CDH10: variants seen among roughly 807,000 people sequenced by gnomAD.
The protein encoded by CDH10 is cadherin 10.
CDH10 carries 30 observed loss-of-function variants against 73.1 expected under a neutral mutation model. The observed-to-expected ratio is 0.41, with a 90% CI of 0.31 to 0.56. The LOEUF (loss-of-function observed/expected upper bound fraction) is 0.56. CDH10 is among the 20% of genes least tolerant of loss of function. The pLI, the probability that CDH10 is intolerant of heterozygous loss-of-function variation, is 0.27. For synonymous variants in CDH10, 345 were observed against 348.2 expected (o/e 0.99, Z 0.10); for missense variants, 815 against 973.7 (o/e 0.84, Z 2.17).
At chr5:24,524,408 G>C (rs886892117) in intron 5 of CDH10, among the ~76,000 whole-genome samples, 2 of 152,028 alleles carry the variant, frequency 1.3e-5, no homozygotes, top group Non-Finnish European at 2.9e-5. Flanking sequence ...TAGAAAGCAG[G>C]CATAGATTGT....
chr5:24,521,453 C>G (rs948049437), intron 5 of CDH10, among the ~76,000 whole-genome samples: 1 of 151,834 alleles, frequency 6.6e-6, no homozygotes, highest in Admixed American at 6.6e-5. Context: ...AACCTCCTTA[C>G]AAAATTAGGT....
At chr5:24,594,774 T>C (rs1419917560) in intron 1 of CDH10, among the ~76,000 whole-genome samples, 1 of 152,012 alleles carries the variant, frequency 6.6e-6, no homozygotes, top group African/African-American at 2.4e-5. Flanking sequence ...TATATTCCAG[T>C]ATACTCCATG....
At chr5:24,533,017 C>T (rs753781507) in intron 5 of CDH10, among the ~76,000 whole-genome samples, 5 of 151,714 alleles carry the variant, frequency 3.3e-5, no homozygotes, top group Non-Finnish European at 7.4e-5. Context: ...ATGTGTGTTC[C>T]CAAAGGTCAG....
chr5:24,521,802 T>G (rs1011719614), intron 5 of CDH10, among the ~76,000 whole-genome samples: 3 of 151,726 alleles, frequency 2.0e-5, no homozygotes, highest in Non-Finnish European at 4.4e-5. Context: ...AGAAAATAAG[T>G]GAGCTGGAGG....
At chr5:24,625,748 A>G (rs1031175233) in intron 1 of CDH10, among the ~76,000 whole-genome samples, 1 of 151,566 alleles carries the variant, frequency 6.6e-6, no homozygotes, top group Non-Finnish European at 1.5e-5. Flanking sequence ...ACATGGCATC[A>G]TTTTGAAGCA....
rs2111603784 is a variant in CDH10 at position 24,487,858 on chromosome 5, G to T, written c.2172C>A (p.Asp724Glu). Residue 724 changes from aspartate (D) to glutamate (E), a missense_variant, in exon 12 of 12, where the codon GAC (aspartate) becomes GAA (glutamate). Around this residue, in one of 3 missense-constraint regions of CDH10, gnomAD observed 241 missense variants for 240.3 expected, o/e 1.00. Transcript: ENST00000264463. ...GTGAGTCGTAGGGGGGTGCGGTGGG[G>T]TCAAGATCATGCTCTTTTAGCCTTT... Reference protein sequence around the residue: ...INERLKEHDLDPTAPPYDSLA... With the variant: ...INERLKEHDLEPTAPPYDSLA... The T allele has an allele frequency of 6.2e-7, 1 of 1,613,882 alleles. No homozygotes were observed. Among genetic ancestry groups the T allele is most frequent in the Non-Finnish European group, 8.5e-7 (1 of 1,179,932 alleles).
At chr5:24,627,690 A>T (rs1435026649) in intron 1 of CDH10, among the ~76,000 whole-genome samples, 1 of 152,146 alleles carries the variant, frequency 6.6e-6, no homozygotes, top group Non-Finnish European at 1.5e-5. Flanking sequence ...ACTAGAGGCA[A>T]ATCACTCTGT....
intron 5 of CDH10, among the ~76,000 whole-genome samples, chr5:24,522,848 C>A (rs191855864): frequency 3.0e-4 from 45 of 152,150 alleles, no homozygotes; most frequent in Non-Finnish European, 6.0e-4. Context: ...GCACATGAGA[C>A]CTAAATTTTA....
chr5:24,537,649 T>C lies in CDH10; in HGVS notation c.257A>G (p.Asp86Gly), dbSNP rs2111897294. Residue 86 changes from aspartate to glycine, a missense_variant, in exon 3 of 12, where the codon GAT becomes GGT. Asp to Gly is a moderately conservative substitution (Grantham distance 94, BLOSUM62 -1). Around this residue, in one of 3 missense-constraint regions of CDH10, gnomAD observed 516 missense variants for 636.6 expected, o/e 0.81. Coordinates refer to ENST00000264463, the MANE Select transcript of CDH10 (RefSeq NM_006727.5). The part of the protein sequence containing the change: ...GKLHSDQDKG[D>G]GSLKYILSGD... ...AGATAAGATATATTTGAGTGATCCA[T>C]CTCCTTTATCTTGGTCTGAATGTAG... The C allele has an allele frequency of 1.9e-6, 3 of 1,598,730 alleles. No individual in the cohort carries two copies. The highest frequency in any genetic ancestry group is 2.6e-6 in the Non-Finnish European group (3 of 1,167,630).
At chr5:24,513,755 A>G (rs1345245247) in intron 5 of CDH10, among the ~76,000 whole-genome samples, 1 of 152,056 alleles carries the variant, frequency 6.6e-6, no homozygotes, top group African/African-American at 2.4e-5. Flanking sequence ...TTACTTTGCT[A>G]CCATCTTATT....
intron 1 of CDH10, among the ~76,000 whole-genome samples, chr5:24,622,756 A>T (rs1012558516): frequency 3.9e-5 from 6 of 152,180 alleles, no homozygotes; most frequent in African/African-American, 7.2e-5. Context: ...ATGTATTTTA[A>T]TCACAAAGAA....
At position 24,534,703 on chromosome 5, in the gene CDH10, C is replaced by G. The variant is rs139260442; in HGVS notation, c.814+409G>C. ...TAATTTGTCAAATTAGATTTTTTGT[C>G]GAAAAAAATTGTCCTCAATTTAGGT... On this transcript the variant is annotated intron_variant, in intron 5 of 11. Transcript: ENST00000264463. Among the ~76,000 whole-genome samples the G allele has an allele frequency of 9.2e-3, 1,404 of 151,860 alleles. 23 individuals are homozygous for G. Among genetic ancestry groups the G allele is most frequent in the African/African-American group, 0.03 (1,259 of 41,460 alleles).
chr5:24,593,854 G>C (rs757894288), intron 1 of CDH10, among the ~76,000 whole-genome samples: 1 of 151,552 alleles, frequency 6.6e-6, no homozygotes, highest in Non-Finnish European at 1.5e-5. Flanking sequence ...ACATTATTAG[G>C]CTTTTTTTTC....
chr5:24,520,550 A>C (rs114344420), intron 5 of CDH10, among the ~76,000 whole-genome samples: 3,305 of 152,314 alleles, frequency 0.022, 102 homozygotes, highest in African/African-American at 0.069. Flanking sequence ...AGATACTATC[A>C]CACGGTAATT....
chr5:24,504,175 A>AGG (rs1373339241), intron 8 of CDH10, among the ~76,000 whole-genome samples: 1 of 152,142 alleles, frequency 6.6e-6, no homozygotes, highest in Admixed American at 6.5e-5. Flanking sequence ...AGATGTAAGA[A>AGG]GGGTGCTCTG....
intron 1 of CDH10, among the ~76,000 whole-genome samples, chr5:24,637,774 G>A (rs1747915347): frequency 6.6e-6 from 1 of 151,792 alleles, no homozygotes; most frequent in African/African-American, 2.4e-5. Flanking sequence ...TTTAATGATT[G>A]TGAATTTTGA....
At chr5:24,603,428 C>T (rs1022802253) in intron 1 of CDH10, among the ~76,000 whole-genome samples, 1 of 152,094 alleles carries the variant, frequency 6.6e-6, no homozygotes, top group Non-Finnish European at 1.5e-5. Flanking sequence ...AAGACAGATA[C>T]ACAAATCTTC....
intron 1 of CDH10, among the ~76,000 whole-genome samples, chr5:24,638,933 T>A (rs1318399762): frequency 6.6e-6 from 1 of 151,768 alleles, no homozygotes; most frequent in East Asian, 1.9e-4. Flanking sequence ...AATTCATGTT[T>A]TTGATCTTAT....
At chr5:24,516,312 TGTTAA>T (rs1045127928) in intron 5 of CDH10, among the ~76,000 whole-genome samples, 1 of 152,190 alleles carries the variant, frequency 6.6e-6, no homozygotes, top group African/African-American at 2.4e-5. Flanking sequence ...TTTTCTCGTT[TGTTAA>T]GTTACCATTT....
Sources: gnomAD v4.1 joint callset for allele counts (sites outside exome capture counted in the v4.1 genomes callset) on GRCh38, gnomAD v4.1.1 for gene constraint, gnomAD v4.1.1 regional missense constraint, MANE v1.5 for transcripts, NCBI Gene and HGNC (gene_info 2026-07-23, HGNC 2026-07-21) for gene names.